PHACTR2: variants seen among roughly 807,000 people sequenced by gnomAD.
The protein encoded by PHACTR2 is phosphatase and actin regulator 2, also known as chromosome 6 open reading frame 56.
A neutral mutation model predicts 76.0 loss-of-function variants in PHACTR2; 30 were observed. The observed-to-expected ratio is 0.39, with a 90% CI of 0.30 to 0.54. PHACTR2 has a LOEUF of 0.54. Among genes scored for constraint, PHACTR2 ranks in the 20% least tolerant of loss-of-function variants. PHACTR2 has a pLI of 0.61. For missense variants in PHACTR2, 696 were observed against 781.1 expected, an observed-to-expected ratio of 0.89 and a Z score of 1.30; for synonymous variants, 292 against 292.5, an observed-to-expected ratio of 1.00 and a Z score of 0.02.
rs990103864 is a variant in PHACTR2, at chr6:143,627,525, G to T, written c.13+19203G>T. Among the ~76,000 whole-genome samples the T allele has an allele frequency of 6.6e-6, 1 of 151,666 alleles. No homozygotes were observed. Among genetic ancestry groups the T allele is most frequent in the Non-Finnish European group, 1.5e-5 (1 of 67,988 alleles). On this transcript the variant is annotated intron_variant, in intron 1 of 11. Coordinates refer to the PHACTR2 transcript ENST00000305766. This position sits in a 1 kb window ranked among gnomAD's most constrained non-coding sequence, Gnocchi z 4.3. ...TAATTTTTGTATTAAGGTGAGATTC[G>T]CATGACATAAAATTAACTATTTTGA...
At chr6:143,604,060 T>G (rs994802360), upstream of PHACTR2, among the ~76,000 whole-genome samples, 6 of 143,968 alleles carry the variant, frequency 4.2e-5, no homozygotes, top group Non-Finnish European at 8.9e-5. Context: ...ATCATGCCAC[T>G]GCACTCCAGC....
rs373243863 is a variant in PHACTR2 at position 143,790,618 on chromosome 6, A to G, written c.1845+1708A>G. On this transcript the variant is annotated intron_variant, in intron 11 of 12. Coordinates refer to ENST00000440869, the MANE Select transcript of PHACTR2 (RefSeq NM_001100164.2). ...TTGGGTTGTCAATTTTTTCTGATTC[A>G]TAGGAGTTCTTCATATATTCCAGTT... Among the ~76,000 whole-genome samples the G allele has an allele frequency of 9.3e-4, 141 of 151,898 alleles. 1 individual carries two copies. Among genetic ancestry groups the G allele is most frequent in the African/African-American group, 3.2e-3 (134 of 41,458 alleles).
Position 143,765,534 on chromosome 6 carries a change from C to G in PHACTR2, c.968C>G (p.Ala323Gly). 1 of 1,614,228 alleles carries G rather than the reference C, an allele frequency of 6.2e-7. No homozygotes were observed. The highest frequency in any genetic ancestry group is 8.5e-7 in the Non-Finnish European group (1 of 1,180,048). Residue 323 changes from alanine (A) to glycine (G), a missense_variant, in exon 6 of 13, where the codon GCT (alanine) becomes GGT (glycine). Ala to Gly is a moderately conservative substitution (Grantham distance 60). Coordinates refer to ENST00000440869, the MANE Select transcript of PHACTR2 (RefSeq NM_001100164.2). The surrounding 1 kb of genome is among the most constrained non-coding windows in gnomAD (Gnocchi z 4.1). ...SFKLEQTVPGAEEQNTGKFKS... is the reference protein window; with the variant it reads ...SFKLEQTVPGGEEQNTGKFKS... ...AAACTCGAACAGACTGTCCCTGGAG[C>G]TGAGGAGCAGAACACAGGCAAATTC...
chr6:143,692,903 TG>T (rs1777679091), intron 1 of PHACTR2, among the ~76,000 whole-genome samples: 2 of 152,208 alleles, frequency 1.3e-5, no homozygotes, highest in South Asian at 4.1e-4. Flanking sequence ...ATTTCCTCAC[TG>T]TTCTGGAGGC....
At chr6:143,670,598 C>A (rs1470752163) in intron 1 of PHACTR2, among the ~76,000 whole-genome samples, 2 of 151,900 alleles carry the variant, frequency 1.3e-5, no homozygotes, top group African/African-American at 4.8e-5. Flanking sequence ...TATGTTGATC[C>A]TCAATCTCTG....
At chr6:143,693,130 C>T (rs1777684694) in intron 1 of PHACTR2, among the ~76,000 whole-genome samples, 1 of 152,170 alleles carries the variant, frequency 6.6e-6, no homozygotes, top group Non-Finnish European at 1.5e-5. Flanking sequence ...TTTTAAAGGA[C>T]CTGTATTCAA....
At position 143,547,864 on chromosome 6, in the gene PHACTR2, C is replaced by CTATG. The variant is rs889181797; in HGVS notation, c.217+10672_217+10675dup. Among the ~76,000 whole-genome samples the CTATG allele has an allele frequency of 3.9e-5, 6 of 151,970 alleles. No individual in the cohort carries two copies. The highest frequency in any genetic ancestry group is 2.1e-4 in the South Asian group (1 of 4,832). On this transcript the variant is annotated intron_variant, in intron 1 of 11. Transcript: ENST00000367584. This position sits in a 1 kb window ranked among gnomAD's most constrained non-coding sequence, Gnocchi z 4.2. ...TCTAACTCTCTCTTGCCCGCTGTAT[C>CTATG]TATGTATGTATGTATGTACGTATGT...
chr6:143,811,241 A>G lies in PHACTR2; in HGVS notation c.1922+4108A>G, dbSNP rs1276797111. 6.6e-6 allele frequency among the ~76,000 whole-genome samples: 1 copy of G among 152,204 alleles called. No homozygotes were observed. The highest frequency in any genetic ancestry group is 1.9e-4 in the East Asian group (1 of 5,200). On this transcript the variant is annotated intron_variant, in intron 12 of 12. Transcript: ENST00000440869. The surrounding 1 kb of genome is among the most constrained non-coding windows in gnomAD (Gnocchi z 4.1). Reference sequence around the variant, plus strand: ...TGTGAAATTCTCTTTTAATATACACATCGGTCAATTTCTGGATTGCTTATT... The same window carrying G: ...TGTGAAATTCTCTTTTAATATACACGTCGGTCAATTTCTGGATTGCTTATT...
chr6:143,560,141 T>C (rs968239429), intron 1 of PHACTR2, among the ~76,000 whole-genome samples: 1 of 152,192 alleles, frequency 6.6e-6, no homozygotes, highest in Non-Finnish European at 1.5e-5. Context: ...TTTTAAAACA[T>C]TTTTAGTAAT....
At chr6:143,544,043 C>T (rs924516455) in intron 1 of PHACTR2, among the ~76,000 whole-genome samples, 4 of 152,168 alleles carry the variant, frequency 2.6e-5, no homozygotes, top group African/African-American at 7.2e-5. Flanking sequence ...TTCTCTTGAC[C>T]TCCTATCTTC....
rs1296860554 is a variant in PHACTR2 at position 143,628,952 on chromosome 6, T to TAG, written c.13+20631_13+20632insGA. On this transcript the variant is annotated intron_variant, in intron 1 of 11. Transcript: ENST00000305766. Reference sequence around the variant, plus strand: ...ATATATATATATATATATATATATATATATATATATATATATATATATATA... The same window carrying TAG: ...ATATATATATATATATATATATATATAGATATATATATATATATATATATATA... 5.9e-4 allele frequency among the ~76,000 whole-genome samples: 33 copies of TAG among 56,054 alleles called. 1 individual carries two copies. The highest frequency in any genetic ancestry group is 5.7e-3 in the South Asian group (13 of 2,280). The allele number at this position is 56,054 out of a possible 152,430, so 36.8% of individuals were successfully genotyped here.
rs17072910 is a variant in PHACTR2 at position 143,698,130 on chromosome 6, A to C, written c.47-13886A>C. 0.047 allele frequency among the ~76,000 whole-genome samples: 7,170 copies of C among 152,268 alleles called. 203 individuals carry two copies. The highest frequency in any genetic ancestry group is 0.089 in the African/African-American group (3,697 of 41,522). On this transcript the variant is annotated intron_variant, in intron 1 of 12. Transcript: ENST00000440869. The surrounding 1 kb of genome is among the most constrained non-coding windows in gnomAD (Gnocchi z 4.3). ...AAAATCTAAATAAAAATTATATTAGAAAAGGATTTTGGAATAAGCTAGTTG... is the reference window on the plus strand; with the variant it reads ...AAAATCTAAATAAAAATTATATTAGCAAAGGATTTTGGAATAAGCTAGTTG...
chr6:143,607,813 G>T (rs1424045687), upstream of PHACTR2, among the ~76,000 whole-genome samples: 1 of 152,212 alleles, frequency 6.6e-6, no homozygotes, highest in African/African-American at 2.4e-5. Context: ...CAGTCATTCA[G>T]TGAGGTCAAT....
At position 143,761,461 on chromosome 6, in the gene PHACTR2, G is replaced by A. The variant is rs1325261314; in HGVS notation, c.694+821G>A. On this transcript the variant is annotated intron_variant, in intron 5 of 12. Coordinates refer to ENST00000440869, the MANE Select transcript of PHACTR2 (RefSeq NM_001100164.2). The surrounding 1 kb of genome is among the most constrained non-coding windows in gnomAD (Gnocchi z 5.2). ...TACCATGTCATTTATCTTTTAAAAG[G>A]ACATTAATCAGGCCAGGCCCAGTGG... Among the ~76,000 whole-genome samples the A allele has an allele frequency of 2.6e-5, 4 of 152,042 alleles. No homozygotes were observed. Among genetic ancestry groups the A allele is most frequent in the African/African-American group, 4.8e-5 (2 of 41,390 alleles).
At chr6:143,563,181 A>C (rs1388194516) in intron 1 of PHACTR2, among the ~76,000 whole-genome samples, 11 of 152,188 alleles carry the variant, frequency 7.2e-5, no homozygotes, top group Admixed American at 7.2e-4. Context: ...CAACTGAAAA[A>C]ATTAGCAGTA....
rs1461062265 is a variant in PHACTR2, at chr6:143,827,044, A to C, written c.*3355A>C. On this transcript the variant is annotated 3_prime_UTR_variant, in exon 13 of 13. Transcript: ENST00000440869. The stretch of plus-strand genomic sequence containing the variant: ...AATAAAGGAATTCAATACACCCTTC[A>C]AAAGTCACCAAATACTGAAAATAAG... 6.6e-6 allele frequency: 1 copy of C among 150,854 alleles called. No individual in the cohort carries two copies. Among genetic ancestry groups the C allele is most frequent in the East Asian group, 1.9e-4 (1 of 5,156 alleles). The allele number at this position is 150,854 out of a possible 1,614,324, so 9.3% of individuals were successfully genotyped here.
rs138407171 is a variant in PHACTR2, at chr6:143,653,370, C to T, written c.13+45048C>T. 2.0e-3 allele frequency among the ~76,000 whole-genome samples: 299 copies of T among 152,204 alleles called. No homozygotes were observed. Among genetic ancestry groups the T allele is most frequent in the African/African-American group, 6.5e-3 (269 of 41,506 alleles). The stretch of plus-strand genomic sequence containing the variant: ...ATACTTCCCTGTTGCTATTGCTAAA[C>T]CCCTTACCTTATACAGACTGTGGAG... On this transcript the variant is annotated intron_variant, in intron 1 of 11. Transcript: ENST00000305766. The surrounding 1 kb of genome is among the most constrained non-coding windows in gnomAD (Gnocchi z 4.9).
chr6:143,705,560 T>C (rs1282909167), intron 1 of PHACTR2, among the ~76,000 whole-genome samples: 2 of 152,172 alleles, frequency 1.3e-5, no homozygotes. Flanking sequence ...CCTTCCAAAG[T>C]GCTGGGATTA....
In PHACTR2 at chr6:143,647,799, A is replaced by G. The variant is rs1776686942; in HGVS notation, c.13+39477A>G. On this transcript the variant is annotated intron_variant, in intron 1 of 11. Coordinates refer to the PHACTR2 transcript ENST00000305766. The surrounding 1 kb of genome is among the most constrained non-coding windows in gnomAD (Gnocchi z 4.2). ...AATAGGCTTGTGTCTGAGAACCACAAAAAAAGCCAGTGTGGCTGGAAAGGG... is the reference window on the plus strand; with the variant it reads ...AATAGGCTTGTGTCTGAGAACCACAGAAAAAGCCAGTGTGGCTGGAAAGGG... Among the ~76,000 whole-genome samples, 1 of 152,200 alleles carries G rather than the reference A, an allele frequency of 6.6e-6. No individual in the cohort carries two copies. The highest frequency in any genetic ancestry group is 1.5e-5 in the Non-Finnish European group (1 of 68,030).
Sources: allele counts gnomAD v4.1 joint callset (sites outside exome capture counted in the v4.1 genomes callset), GRCh38; gene constraint gnomAD v4.1.1; non-coding constraint Gnocchi (gnomAD v3.1); transcripts MANE v1.5; gene names NCBI Gene and HGNC (gene_info 2026-07-23, HGNC 2026-07-21).